Variants in PCDHGA4 observed in about 807,000 individuals in gnomAD.
PCDHGA4 encodes protocadherin gamma subfamily A, 4.
In PCDHGA4, 38 loss-of-function variants were observed where a neutral mutation model predicts 54.6. That is an observed-to-expected ratio of 0.70 (90% CI 0.54 to 0.91). The LOEUF (loss-of-function observed/expected upper bound fraction) is 0.91, where lower values mean the gene tolerates loss of function less well. Ranked by LOEUF, PCDHGA4 falls within the 40% of genes least tolerant of loss-of-function variation. PCDHGA4 has a pLI of 0.00. For synonymous variants in PCDHGA4, 511 were observed against 512.9 expected (o/e 1.00, Z 0.05); for missense variants, 1,298 against 1,220.9 (o/e 1.06, Z -0.94).
At chr5:141,469,885 C>A (rs1464434089) in intron 1 of PCDHGA4, among the ~76,000 whole-genome samples, 3 of 152,204 alleles carry the variant, frequency 2.0e-5, no homozygotes, top group African/African-American at 4.8e-5. Context: ...AATCTCGGCA[C>A]TTTGGGAAGC....
intron 1 of PCDHGA4, chr5:141,433,208 C>CT (rs745329085): frequency 0.022 from 27,155 of 1,216,152 alleles, no homozygotes; most frequent in Non-Finnish European, 0.026. Flanking sequence ...AATCTTCTTT[C>CT]TTTTTTTTTT....
At chr5:141,509,143 C>T (rs1022878562) in intron 3 of PCDHGA4, among the ~76,000 whole-genome samples, 9 of 152,138 alleles carry the variant, frequency 5.9e-5, no homozygotes, top group Non-Finnish European at 1.0e-4. Flanking sequence ...AGGCGCATCC[C>T]GGCTCTCCCC....
rs191642740 is a variant in PCDHGA4 at position 141,509,833 on chromosome 5, C to T, written c.2663-1114C>T. On this transcript the variant is annotated intron_variant, in intron 3 of 3. Coordinates refer to ENST00000571252, the MANE Select transcript of PCDHGA4 (RefSeq NM_018917.4). ...GAGCTCTTCTCCATCTTCTCTCTAC[C>T]TCCCATTCACTCAGAACAGGGATAA... 2.6e-5 allele frequency among the ~76,000 whole-genome samples: 4 copies of T among 152,300 alleles called. No individual in the cohort carries two copies. The East Asian group carries it at 7.7e-4, about 29-fold the overall frequency.
At position 141,476,761 on chromosome 5, in the gene PCDHGA4, G is replaced by C. The variant is rs1293828206; in HGVS notation, c.2515-18046G>C. ...AGCCTAGTCTCCAGTTAGTGCTGAC[G>C]GCGTTGGACGGAGGGACCCCAGCTC... On this transcript the variant is annotated intron_variant, in intron 1 of 3. Transcript: ENST00000571252. This position sits in a 1 kb window ranked among gnomAD's most constrained non-coding sequence, Gnocchi z 7.6. 6.2e-7 allele frequency: 1 copy of C among 1,613,734 alleles called. No individual in the cohort carries two copies. Among genetic ancestry groups the C allele is most frequent in the East Asian group, 2.2e-5 (1 of 44,884 alleles).
intron 3 of PCDHGA4, 124 bp from the exon 4 acceptor site, chr5:141,510,823 C>A: frequency 6.4e-7 from 1 of 1,562,432 alleles, no homozygotes. Context: ...CCTATATTCC[C>A]AGTGCTCAGC....
intron 1 of PCDHGA4, among the ~76,000 whole-genome samples, chr5:141,425,694 A>G (rs1006103007): frequency 6.6e-6 from 1 of 152,240 alleles, no homozygotes; most frequent in Non-Finnish European, 1.5e-5. Context: ...ATATCATTTC[A>G]TAGTGGTCAA....
At chr5:141,473,902 G>C (rs1593464039) in intron 1 of PCDHGA4, among the ~76,000 whole-genome samples, 1 of 152,240 alleles carries the variant, frequency 6.6e-6, no homozygotes, top group South Asian at 2.1e-4. Context: ...GGTTCATGAA[G>C]AGGTCTTAAG....
intron 1 of PCDHGA4, chr5:141,371,193 A>G: frequency 1.2e-6 from 2 of 1,614,034 alleles, no homozygotes; most frequent in Non-Finnish European, 8.5e-7. Context: ...AGTGATGGCC[A>G]TTGACATGGA....
At chr5:141,452,528 A>T (rs1592223895) in intron 1 of PCDHGA4, among the ~76,000 whole-genome samples, 1 of 152,206 alleles carries the variant, frequency 6.6e-6, no homozygotes, top group African/African-American at 2.4e-5. Flanking sequence ...CAAAATCGTG[A>T]GTTCATATTG....
chr5:141,400,594 A>G (rs2150867049), intron 1 of PCDHGA4: 1 of 1,603,498 alleles, frequency 6.2e-7, no homozygotes, highest in Non-Finnish European at 8.5e-7. Context: ...AAACTATCGT[A>G]CATTTTCAAG....
At chr5:141,413,199 A>T in intron 1 of PCDHGA4, 1 of 1,611,930 alleles carries the variant, frequency 6.2e-7, no homozygotes, top group Non-Finnish European at 8.5e-7. Flanking sequence ...GGAATCGCTC[A>T]AAGGAATCAA....
In PCDHGA4 at chr5:141,355,795, G is replaced by A; in HGVS notation, c.688G>A (p.Ala230Thr). Residue 230 changes from alanine (A) to threonine (T), a missense_variant, in exon 1 of 4, where the codon GCT becomes ACT. Ala to Thr is a moderately conservative substitution (Grantham distance 58). Transcript: ENST00000571252. The stretch of plus-strand genomic sequence containing the variant: ...GTACCCAGAGCTGGTGCTGGAACGC[G>A]CTCTAGATCGCGAGGAAGAGGCGGT... ...IKYPELVLER[A>T]LDREEEAVHH... 1.9e-6 allele frequency: 3 copies of A among 1,613,406 alleles called. No individual in the cohort carries two copies. The highest frequency in any genetic ancestry group is 1.7e-4 in the Middle Eastern group (1 of 6,060).
rs762910422 is a variant in PCDHGA4, at chr5:141,485,747, C to T, written c.2515-9060C>T. ...GAAGCGCAGCGACGGCAGCCTGGTCCCAGAGCTGCTCCTGGAGAAGCCTTT... is the reference window on the plus strand; with the variant it reads ...GAAGCGCAGCGACGGCAGCCTGGTCTCAGAGCTGCTCCTGGAGAAGCCTTT... On this transcript the variant is annotated intron_variant, in intron 1 of 3. Coordinates refer to ENST00000571252, the MANE Select transcript of PCDHGA4 (RefSeq NM_018917.4). This position sits in a 1 kb window ranked among gnomAD's most constrained non-coding sequence, Gnocchi z 5.7. 1 of 1,614,162 alleles carries T rather than the reference C, an allele frequency of 6.2e-7. No individual in the cohort carries two copies.
chr5:141,393,373 A>G lies in PCDHGA4; in HGVS notation c.2514+35752A>G, dbSNP rs1364997808. 1 of 1,613,956 alleles carries G rather than the reference A, an allele frequency of 6.2e-7. No homozygotes were observed. The highest frequency in any genetic ancestry group is 1.3e-5 in the African/African-American group (1 of 75,054). On this transcript the variant is annotated intron_variant, in intron 1 of 3. Transcript: ENST00000571252. ...TCCCTGGACGTGCAGACTGGAGACA[A>G]TGGAGCCATAAACCCAGAGCTGGTG...
chr5:141,408,903 A>C, intron 1 of PCDHGA4: 1 of 1,613,512 alleles, frequency 6.2e-7, no homozygotes, highest in Non-Finnish European at 8.5e-7. Context: ...TCTGTCAAGG[A>C]TACCAATGAT....
chr5:141,380,638 T>G (rs1776626783), intron 1 of PCDHGA4, among the ~76,000 whole-genome samples: 1 of 152,254 alleles, frequency 6.6e-6, no homozygotes, highest in Non-Finnish European at 1.5e-5. Context: ...AAAATGTGAA[T>G]GCTAGAGACA....
intron 1 of PCDHGA4, chr5:141,399,651 G>A (rs1561671286): frequency 1.2e-6 from 2 of 1,613,738 alleles, no homozygotes; most frequent in Non-Finnish European, 1.7e-6. Flanking sequence ...CGCAAAGTGG[G>A]GTGGTGTTCG....
chr5:141,368,654 A>G (rs1278983703), intron 1 of PCDHGA4, among the ~76,000 whole-genome samples: 1 of 152,204 alleles, frequency 6.6e-6, no homozygotes, highest in Admixed American at 6.5e-5. Flanking sequence ...GCAATGGAAA[A>G]ATATCTTTAA....
At chr5:141,398,328 C>G in intron 1 of PCDHGA4, 7 of 1,353,010 alleles carry the variant, frequency 5.2e-6, no homozygotes, top group Non-Finnish European at 7.2e-6. Context: ...GAAAACTGCG[C>G]GTCAGTTCGG....
Sources: gnomAD v4.1 joint callset for allele counts (sites outside exome capture counted in the v4.1 genomes callset) on GRCh38, gnomAD v4.1.1 for gene constraint, Gnocchi (gnomAD v3.1) non-coding constraint, MANE v1.5 for transcripts, NCBI Gene and HGNC (gene_info 2026-07-23, HGNC 2026-07-21) for gene names.